The following VSTM2B variants were observed in gnomAD, a reference collection of about 807,000 sequenced individuals.
VSTM2B encodes V-set and transmembrane domain-containing protein 2B.
A neutral mutation model predicts 24.0 loss-of-function variants in VSTM2B; 24 were observed. The ratio of observed to expected loss-of-function variants is 1.00; its 90% CI spans 0.72 to 1.40. The LOEUF is 1.40. Among genes scored for constraint, VSTM2B ranks in the 40% most tolerant of loss-of-function variants. The probability of loss-of-function intolerance (pLI) is 0.00; values close to 1 mark genes in which losing one functional copy is unlikely to be tolerated. For synonymous variants in VSTM2B, 226 were observed against 194.4 expected (o/e 1.16, Z -1.35); for missense variants, 399 against 416.4 (o/e 0.96, Z 0.36).
intron 4 of VSTM2B, among the ~76,000 whole-genome samples, chr19:29,558,050 C>A (rs1487460610): frequency 6.6e-6 from 1 of 152,088 alleles, no homozygotes; most frequent in Non-Finnish European, 1.5e-5. Context: ...TGAACAGACA[C>A]TTCTCAAAAG....
intron 1 of VSTM2B, 59 bp from the exon 2 acceptor site, chr19:29,527,152 G>A (rs1969597996): frequency 1.4e-6 from 2 of 1,456,152 alleles, no homozygotes. Flanking sequence ...CTCGCTTTAG[G>A]TTGCCCCAGG....
At chr19:29,528,371 C>G in intron 2 of VSTM2B, 62 bp from the exon 3 acceptor site, 1 of 1,549,698 alleles carries the variant, frequency 6.5e-7, no homozygotes. Flanking sequence ...AAAGGCGGAT[C>G]CGAGTTCCCC....
At chr19:29,546,239 C>G (rs961259113) in intron 4 of VSTM2B, among the ~76,000 whole-genome samples, 4 of 152,168 alleles carry the variant, frequency 2.6e-5, no homozygotes, top group Non-Finnish European at 5.9e-5. Context: ...GTGCATGCAG[C>G]CCCCAGCGCA....
At chr19:29,542,660 G>A (rs1045767676) in intron 4 of VSTM2B, among the ~76,000 whole-genome samples, 3 of 151,964 alleles carry the variant, frequency 2.0e-5, no homozygotes, top group African/African-American at 7.3e-5. Context: ...ACGCATAGGT[G>A]GAAAGAAGAT....
Position 29,564,113 on chromosome 19 carries a change from G to C in VSTM2B, c.*179G>C. ...ACAAATGTAGAACACCTAAAATAAT[G>C]CATCTAGTTTCCAAATAATTTGGAG... On this transcript the variant is annotated 3_prime_UTR_variant, in exon 5 of 5. Coordinates refer to ENST00000335523, the MANE Select transcript of VSTM2B (RefSeq NM_001146339.2). The C allele has an allele frequency of 1.8e-6, 1 of 567,728 alleles. No individual in the cohort carries two copies. The highest frequency in any genetic ancestry group is 2.1e-5 in the South Asian group (1 of 47,020). The allele number at this position is 567,728 out of a possible 1,614,324, so 35.2% of individuals were successfully genotyped here. A position where few individuals can be genotyped will look rare whatever the true frequency, so the allele number is the denominator to read the frequency against.
intron 4 of VSTM2B, among the ~76,000 whole-genome samples, chr19:29,551,976 C>A (rs1026199017): frequency 2.0e-5 from 3 of 152,202 alleles, no homozygotes; most frequent in Admixed American, 1.3e-4. Flanking sequence ...CTTGTAGGGT[C>A]AATTTGGGCC....
chr19:29,529,125 G>C, intron 3 of VSTM2B: 1 of 985,466 alleles, frequency 1.0e-6, no homozygotes, highest in Non-Finnish European at 1.2e-6. Flanking sequence ...TTTGTTGAGA[G>C]CCGTAGAGCA....
chr19:29,551,912 G>A (rs1970293012), intron 4 of VSTM2B, among the ~76,000 whole-genome samples: 1 of 152,192 alleles, frequency 6.6e-6, no homozygotes, highest in Admixed American at 6.5e-5. Context: ...AGAGGCTACA[G>A]GGATGGGAAT....
chr19:29,549,921 C>T (rs1427213725), intron 4 of VSTM2B, among the ~76,000 whole-genome samples: 1 of 152,266 alleles, frequency 6.6e-6, no homozygotes, highest in African/African-American at 2.4e-5. Context: ...CTGCTCCCAG[C>T]TGCCCCAGGC....
chr19:29,557,872 C>T (rs981150176), intron 4 of VSTM2B, among the ~76,000 whole-genome samples: 1 of 152,118 alleles, frequency 6.6e-6, no homozygotes, highest in Admixed American at 6.6e-5. Context: ...AACTAAAGAG[C>T]TTCTGTGCAG....
intron 4 of VSTM2B, among the ~76,000 whole-genome samples, chr19:29,537,874 C>A (rs1048777765): frequency 6.6e-6 from 1 of 151,954 alleles, no homozygotes; most frequent in African/African-American, 2.4e-5. Flanking sequence ...CGCTAGAGAC[C>A]GAGGCCAGGA....
rs35216506 is a variant in VSTM2B, at chr19:29,564,018, CAG to C, written c.*90_*91del. The C allele has an allele frequency of 0.017, 17,316 of 1,043,752 alleles. 379 individuals are homozygous for C. Among genetic ancestry groups the C allele is most frequent in the East Asian group, 0.1 (3,951 of 38,174 alleles). 64.7% of individuals were successfully genotyped at this position (1,043,752 alleles called of 1,614,324 possible). ...TGAGGACCATGTCGCTGGATGGACA[CAG>C]AGAGACTGAGAGACGCATGAAAAAG... On this transcript the variant is annotated 3_prime_UTR_variant, in exon 5 of 5. Transcript: ENST00000335523.
chr19:29,549,341 A>C (rs1024814848), intron 4 of VSTM2B, among the ~76,000 whole-genome samples: 3 of 152,238 alleles, frequency 2.0e-5, no homozygotes, highest in Admixed American at 6.5e-5. Context: ...GGGAGTCCCA[A>C]CGCTGCCCCC....
intron 4 of VSTM2B, among the ~76,000 whole-genome samples, chr19:29,532,875 G>A (rs996356792): frequency 1.3e-5 from 2 of 152,250 alleles, no homozygotes; most frequent in Non-Finnish European, 2.9e-5. Flanking sequence ...AAGACCATGT[G>A]AAATAGATCT....
intron 4 of VSTM2B, among the ~76,000 whole-genome samples, chr19:29,563,158 G>T (rs892564595): frequency 6.6e-6 from 1 of 152,108 alleles, no homozygotes; most frequent in Admixed American, 6.5e-5. Context: ...GTGTGGGATC[G>T]TGTAGCCTTC....
intron 4 of VSTM2B, among the ~76,000 whole-genome samples, chr19:29,560,510 AG>A (rs1311906425): frequency 6.6e-6 from 1 of 152,064 alleles, no homozygotes; most frequent in African/African-American, 2.4e-5. Flanking sequence ...GTGCCAGGCC[AG>A]GGAGAGAATG....
At chr19:29,561,162 A>C (rs542113070) in intron 4 of VSTM2B, among the ~76,000 whole-genome samples, 30 of 152,134 alleles carry the variant, frequency 2.0e-4, no homozygotes, top group Non-Finnish European at 3.5e-4. Flanking sequence ...AAATACAAAA[A>C]TTAGCCAAGC....
At chr19:29,533,005 T>A (rs544624281) in intron 4 of VSTM2B, among the ~76,000 whole-genome samples, 1 of 152,272 alleles carries the variant, frequency 6.6e-6, no homozygotes, top group African/African-American at 2.4e-5. Flanking sequence ...CAGCCACAGA[T>A]GACCTGACTG....
At chr19:29,551,114 C>T (rs990985193) in intron 4 of VSTM2B, among the ~76,000 whole-genome samples, 2 of 152,216 alleles carry the variant, frequency 1.3e-5, no homozygotes, top group African/African-American at 2.4e-5. Flanking sequence ...CTGGGAGCCC[C>T]CTACTGTGAT....
Sources: allele counts gnomAD v4.1 joint callset (sites outside exome capture counted in the v4.1 genomes callset), GRCh38; gene constraint gnomAD v4.1.1; transcripts MANE v1.5; gene names NCBI Gene and HGNC (gene_info 2026-07-23, HGNC 2026-07-21).